AFF2: variants seen among roughly 807,000 people sequenced by gnomAD.
The protein encoded by AFF2 is AF4/FMR2 family member 2.
Under a neutral mutation model 76.9 loss-of-function variants are expected in AFF2, and 14 were observed. That is an observed-to-expected ratio of 0.18 (90% CI 0.12 to 0.28). The LOEUF (loss-of-function observed/expected upper bound fraction) is 0.28. Ranked by LOEUF, AFF2 falls within the 10% of genes least tolerant of loss-of-function variation. The pLI is 1.00. For missense variants in AFF2, 868 were observed against 1,001.1 expected (o/e 0.87, Z 1.79); for synonymous variants, 398 against 366.7 (o/e 1.09, Z -0.98).
At chrX:148,502,527 G>A (rs948842430) in intron 1 of AFF2, among the ~76,000 whole-genome samples, 3 of 112,429 alleles carry the variant, frequency 2.7e-5, no homozygotes, top group Non-Finnish European at 5.6e-5. Flanking sequence ...TCTATAAGGC[G>A]TTTTGGATAC....
At chrX:148,953,765 C>A (rs2071999206) in intron 10 of AFF2, 26 bp downstream of exon 10, 1 of 1,168,245 alleles carries the variant, frequency 8.6e-7, no homozygotes, top group East Asian at 3.0e-5. Context: ...AGGGCCCTAA[C>A]CATGATCTGC....
At chrX:148,762,508 G>GTGTGTGTGTGTGTA (rs782356186) in intron 3 of AFF2, among the ~76,000 whole-genome samples, 1 of 106,400 alleles carries the variant, frequency 9.4e-6, no homozygotes, top group Admixed American at 1.0e-4. Context: ...GTGTGTGTGT[G>GTGTGTGTGTGTGTA]TATATAACAT....
At chrX:148,744,986 A>G (rs1401946363) in intron 3 of AFF2, among the ~76,000 whole-genome samples, 4 of 111,621 alleles carry the variant, frequency 3.6e-5, no homozygotes, top group African/African-American at 1.3e-4. Flanking sequence ...TTGGCTGAGG[A>G]AATAAAGGAT....
At chrX:148,597,182 C>T (rs1006787232) in intron 1 of AFF2, among the ~76,000 whole-genome samples, 11 of 111,123 alleles carry the variant, frequency 9.9e-5, no homozygotes, top group African/African-American at 3.3e-4. Context: ...ATGTTTAAGC[C>T]GAAAAATGCT....
At chrX:148,617,971 G>T (rs1403627190) in intron 1 of AFF2, among the ~76,000 whole-genome samples, 2 of 111,320 alleles carry the variant, frequency 1.8e-5, no homozygotes, top group East Asian at 5.7e-4. Flanking sequence ...AGAGCATTTA[G>T]GGTATATATA....
At chrX:148,704,629 C>G (rs1017524532) in intron 3 of AFF2, among the ~76,000 whole-genome samples, 3 of 105,415 alleles carry the variant, frequency 2.8e-5, no homozygotes, top group Non-Finnish European at 5.8e-5. Flanking sequence ...CAGGTTGAAA[C>G]AATTCTCCTG....
intron 1 of AFF2, among the ~76,000 whole-genome samples, chrX:148,501,797 G>GC (rs1168188247): frequency 1.8e-5 from 2 of 112,873 alleles, no homozygotes; most frequent in African/African-American, 6.4e-5. Context: ...TTCGGAGTTG[G>GC]CCCCCCAAAT....
At chrX:148,527,995 A>G (rs915439171) in intron 1 of AFF2, among the ~76,000 whole-genome samples, 5 of 111,992 alleles carry the variant, frequency 4.5e-5, no homozygotes, top group Non-Finnish European at 7.5e-5. Context: ...CAGCTCTCCA[A>G]TGACCATTTG....
intron 2 of AFF2, among the ~76,000 whole-genome samples, chrX:148,656,262 A>G (rs1186926499): frequency 2.7e-5 from 3 of 111,451 alleles, no homozygotes; most frequent in Non-Finnish European, 5.6e-5. Flanking sequence ...TGCTTTTGAG[A>G]AGGATGTCTT....
intron 3 of AFF2, among the ~76,000 whole-genome samples, chrX:148,667,033 G>A (rs1234838473): frequency 8.0e-5 from 9 of 112,173 alleles, no homozygotes; most frequent in African/African-American, 2.9e-4. Context: ...CAAAACTAAC[G>A]TGTAGAGTGT....
intron 3 of AFF2, among the ~76,000 whole-genome samples, chrX:148,689,666 C>T (rs2054632105): frequency 8.9e-6 from 1 of 111,966 alleles, no homozygotes; most frequent in Non-Finnish European, 1.9e-5. Flanking sequence ...ATTGGCTATA[C>T]TGCCAGATCT....
At chrX:148,746,381 T>C (rs2055420903) in intron 3 of AFF2, among the ~76,000 whole-genome samples, 1 of 112,119 alleles carries the variant, frequency 8.9e-6, no homozygotes, top group African/African-American at 3.2e-5. Context: ...CATAGCATAA[T>C]TTGCCTTCCT....
chrX:148,770,230 G>T (rs1557268009), intron 3 of AFF2, among the ~76,000 whole-genome samples: 1 of 111,813 alleles, frequency 8.9e-6, no homozygotes, highest in Non-Finnish European at 1.9e-5. Flanking sequence ...GGTAGAAACT[G>T]CTAGGAGAGG....
chrX:148,756,636 C>A (rs980488542), intron 3 of AFF2, among the ~76,000 whole-genome samples: 24 of 112,230 alleles, frequency 2.1e-4, no homozygotes, highest in African/African-American at 6.8e-4. Context: ...TAAAAACCTG[C>A]CCAAGCATGA....
intron 3 of AFF2, among the ~76,000 whole-genome samples, chrX:148,735,513 T>G (rs375744303): frequency 8.9e-6 from 1 of 112,301 alleles, no homozygotes; most frequent in East Asian, 2.8e-4. Flanking sequence ...TCTTTTTTCC[T>G]GCTTATGTAA....
At chrX:148,795,682 A>G (rs2069958324) in intron 3 of AFF2, among the ~76,000 whole-genome samples, 1 of 98,818 alleles carries the variant, frequency 1.0e-5, no homozygotes, top group Admixed American at 1.1e-4. Context: ...ATGCGCCTGT[A>G]GTCCCAGCTA....
At chrX:148,573,609 CAT>C (rs1315436376) in intron 1 of AFF2, among the ~76,000 whole-genome samples, 3 of 110,154 alleles carry the variant, frequency 2.7e-5, no homozygotes, top group Non-Finnish European at 3.8e-5. Flanking sequence ...AAGAAAAAAA[CAT>C]GTGGAGGAAG....
rs143803167 is a variant in AFF2, at chrX:148,981,841, G to T, written c.3623+1051G>T. Among the ~76,000 whole-genome samples, 592 of 112,513 alleles carry T rather than the reference G, an allele frequency of 5.3e-3. 2 individuals carry two copies. Among genetic ancestry groups the T allele is most frequent in the African/African-American group, 0.018 (571 of 30,939 alleles). ...CGTACTCCAAAAGCAACGGGACAAT[G>T]AACTCTACTTTGAAATCATAAAAAC... On this transcript the variant is annotated intron_variant, in intron 19 of 20. Transcript: ENST00000370460.
chrX:148,955,489 G>A, intron 10 of AFF2, 114 bp from the exon 11 acceptor site: 1 of 760,008 alleles, frequency 1.3e-6, no homozygotes, highest in Non-Finnish European at 1.9e-6. Flanking sequence ...ATTTGTATAT[G>A]TGTGAACAGT....
Sources: allele counts gnomAD v4.1 joint callset (sites outside exome capture counted in the v4.1 genomes callset), GRCh38; gene constraint gnomAD v4.1.1; transcripts MANE v1.5; gene names NCBI Gene and HGNC (gene_info 2026-07-23, HGNC 2026-07-21).